Variants in PPFIA2 observed in about 807,000 individuals in gnomAD.
PPFIA2 encodes PPFI scaffold protein A2.
A neutral mutation model predicts 175.5 loss-of-function variants in PPFIA2; 46 were observed. The observed-to-expected ratio is 0.26, with a 90% CI of 0.21 to 0.34. The LOEUF (loss-of-function observed/expected upper bound fraction) is 0.34, where lower values mean the gene tolerates loss of function less well. PPFIA2 is among the 10% of genes least tolerant of loss of function. The pLI is 1.00. For missense variants in PPFIA2, 1,179 were observed against 1,506.1 expected, an observed-to-expected ratio of 0.78 and a Z score of 3.60; for synonymous variants, 568 against 511.4, an observed-to-expected ratio of 1.11 and a Z score of -1.49.
chr12:81,615,324 A>G (rs1216381163), intron 4 of PPFIA2, among the ~76,000 whole-genome samples: 1 of 152,186 alleles, frequency 6.6e-6, no homozygotes, highest in Non-Finnish European at 1.5e-5. Context: ...TGAGGTTTCT[A>G]TTAGTCATCT....
intron 4 of PPFIA2, among the ~76,000 whole-genome samples, chr12:81,552,674 A>G (rs971373019): frequency 4.6e-5 from 7 of 152,042 alleles, no homozygotes; most frequent in African/African-American, 1.7e-4. Flanking sequence ...GCTTTCCAAA[A>G]TGATAATAAT....
intron 4 of PPFIA2, among the ~76,000 whole-genome samples, chr12:81,553,842 C>T (rs1030206882): frequency 6.6e-6 from 1 of 151,882 alleles, no homozygotes; most frequent in African/African-American, 2.4e-5. Context: ...GAGTTTTTGT[C>T]AATAACAGTA....
At chr12:81,700,050 A>G (rs534744238) in intron 3 of PPFIA2, among the ~76,000 whole-genome samples, 1 of 152,138 alleles carries the variant, frequency 6.6e-6, no homozygotes, top group South Asian at 2.1e-4. Context: ...ACTTTCCCAT[A>G]TCCTATGACC....
At chr12:81,631,564 A>T (rs1342580887) in intron 4 of PPFIA2, among the ~76,000 whole-genome samples, 2 of 152,208 alleles carry the variant, frequency 1.3e-5, no homozygotes, top group Non-Finnish European at 2.9e-5. Context: ...AGGAAAGTTC[A>T]AAGTATACGT....
chr12:81,453,487 A>G (rs903614806), intron 5 of PPFIA2, among the ~76,000 whole-genome samples: 3 of 152,140 alleles, frequency 2.0e-5, no homozygotes, highest in African/African-American at 7.2e-5. Context: ...ATTATTTTCT[A>G]TAAATATAAC....
chr12:81,401,638 T>G (rs1165321697), intron 8 of PPFIA2, among the ~76,000 whole-genome samples: 1 of 152,202 alleles, frequency 6.6e-6, no homozygotes, highest in East Asian at 1.9e-4. Flanking sequence ...CTCTAACATA[T>G]CTAATATTCT....
chr12:81,258,203 C>T lies in PPFIA2; in HGVS notation c.*1491G>A, dbSNP rs1370872801. ...TTTGGGTCACCCAAAGAACACATTT[C>T]CTGATAGTTTAAGTAAATTGTCGAG... On this transcript the variant is annotated 3_prime_UTR_variant, in exon 33 of 33. Transcript: ENST00000549396. 1 of 152,036 alleles carries T rather than the reference C, an allele frequency of 6.6e-6. No individual in the cohort carries two copies. Among genetic ancestry groups the T allele is most frequent in the African/African-American group, 2.4e-5 (1 of 41,414 alleles). 9.4% of individuals were successfully genotyped at this position (152,036 alleles called of 1,614,324 possible).
At position 81,368,720 on chromosome 12, in the gene PPFIA2, T is replaced by G. The variant is rs1471605506; in HGVS notation, c.1482+5A>C. 1.2e-6 allele frequency: 2 copies of G among 1,604,242 alleles called. No individual in the cohort carries two copies. Among genetic ancestry groups the G allele is most frequent in the Admixed American group, 1.7e-5 (1 of 58,220 alleles). On this transcript the variant is annotated splice_donor_5th_base_variant and intron_variant, in intron 13 of 32. Transcript: ENST00000549396. Reference sequence around the variant, plus strand: ...TCATGTGATTTTACCCTTCTATCGTTTTACCTTTTCTTCTAGAGCAGCCAT... The same window carrying G: ...TCATGTGATTTTACCCTTCTATCGTGTTACCTTTTCTTCTAGAGCAGCCAT...
At chr12:81,577,053 G>A (rs971385737) in intron 4 of PPFIA2, among the ~76,000 whole-genome samples, 1 of 151,700 alleles carries the variant, frequency 6.6e-6, no homozygotes, top group Non-Finnish European at 1.5e-5. Context: ...TTGTTACTCA[G>A]GATAATAAAG....
intron 11 of PPFIA2, chr12:81,369,537 T>C: frequency 1.4e-6 from 1 of 713,470 alleles, no homozygotes; most frequent in Non-Finnish European, 1.8e-6. Context: ...TATCAATAAA[T>C]AAAAGTAACA....
intron 7 of PPFIA2, 113 bp downstream of exon 7, chr12:81,439,859 A>G (rs1383189903): frequency 1.3e-5 from 12 of 913,878 alleles, no homozygotes; most frequent in African/African-American, 1.7e-5. Context: ...TCAATGGCAT[A>G]GACAGAATGT....
At chr12:81,707,467 A>G (rs1292150754) in intron 3 of PPFIA2, among the ~76,000 whole-genome samples, 3 of 152,216 alleles carry the variant, frequency 2.0e-5, no homozygotes, top group Non-Finnish European at 4.4e-5. Flanking sequence ...CAAAGCCACA[A>G]TGAGATATCA....
At chr12:81,594,630 C>T (rs966605748) in intron 4 of PPFIA2, among the ~76,000 whole-genome samples, 6 of 152,050 alleles carry the variant, frequency 3.9e-5, no homozygotes, top group African/African-American at 1.4e-4. Flanking sequence ...AAGAATGTTT[C>T]GTAGCCTGGT....
intron 7 of PPFIA2, among the ~76,000 whole-genome samples, chr12:81,425,424 A>G (rs1361344341): frequency 6.6e-6 from 1 of 152,178 alleles, no homozygotes; most frequent in African/African-American, 2.4e-5. Context: ...GGCTCACTGC[A>G]ACCTCCACCT....
At chr12:81,581,193 G>T (rs1188935031) in intron 4 of PPFIA2, among the ~76,000 whole-genome samples, 2 of 142,850 alleles carry the variant, frequency 1.4e-5, no homozygotes, top group East Asian at 4.1e-4. Flanking sequence ...AAATCTCCTT[G>T]AGCACAATCT....
intron 4 of PPFIA2, among the ~76,000 whole-genome samples, chr12:81,670,381 CTT>C (rs2071182842): frequency 6.6e-6 from 1 of 151,888 alleles, no homozygotes; most frequent in Non-Finnish European, 1.5e-5. Flanking sequence ...CTCCCGGTTC[CTT>C]AATATCATCA....
chr12:81,602,723 G>A (rs544353832), intron 4 of PPFIA2, among the ~76,000 whole-genome samples: 6 of 151,756 alleles, frequency 4.0e-5, no homozygotes, highest in East Asian at 1.9e-4. Context: ...GGAGTAATGC[G>A]ACACAGTTAA....
chr12:81,392,696 C>T (rs2040371857), intron 8 of PPFIA2, among the ~76,000 whole-genome samples: 1 of 151,954 alleles, frequency 6.6e-6, no homozygotes, highest in Non-Finnish European at 1.5e-5. Flanking sequence ...GTACATTCAA[C>T]TGCAATACAA....
At chr12:81,587,557 CTTG>C (rs1333541333) in intron 4 of PPFIA2, among the ~76,000 whole-genome samples, 6 of 151,758 alleles carry the variant, frequency 4.0e-5, no homozygotes, top group African/African-American at 1.2e-4. Flanking sequence ...TAGAATAATT[CTTG>C]TTATTTGTAA....
Sources: allele counts gnomAD v4.1 joint callset (sites outside exome capture counted in the v4.1 genomes callset), GRCh38; gene constraint gnomAD v4.1.1; transcripts MANE v1.5; gene names NCBI Gene and HGNC (gene_info 2026-07-23, HGNC 2026-07-21).